KCTD8: variants seen among roughly 807,000 people sequenced by gnomAD.
KCTD8 encodes potassium channel tetramerization domain containing 8.
In KCTD8, 27 loss-of-function variants were observed where a neutral mutation model predicts 31.5. The ratio of observed to expected loss-of-function variants is 0.86; its 90% CI spans 0.63 to 1.18. The LOEUF is 1.18. Among genes scored for constraint, KCTD8 ranks in the 50% most tolerant of loss-of-function variants. The pLI, the probability that KCTD8 is intolerant of heterozygous loss-of-function variation, is 0.00. For missense variants in KCTD8, 658 were observed against 647.7 expected (o/e 1.02, Z -0.17); for synonymous variants, 290 against 280.0 (o/e 1.04, Z -0.36).
chr4:44,341,885 C>A (rs974765075), intron 1 of KCTD8, among the ~76,000 whole-genome samples: 1 of 152,134 alleles, frequency 6.6e-6, no homozygotes, highest in Non-Finnish European at 1.5e-5. Context: ...ATTTACTTTA[C>A]TCAGATCTAT....
At position 44,359,974 on chromosome 4, in the gene KCTD8, A is replaced by C. The variant is rs1719454159; in HGVS notation, c.961+87589T>G. Among the ~76,000 whole-genome samples the C allele has an allele frequency of 2.6e-5, 4 of 152,188 alleles. No homozygotes were observed. In the South Asian group the frequency reaches 8.3e-4, roughly 32 times the overall value. ...TAGGGTTAAATACACAGTTATGTAGATTATTACATTAAGGATACACATACA... is the reference window on the plus strand; with the variant it reads ...TAGGGTTAAATACACAGTTATGTAGCTTATTACATTAAGGATACACATACA... On this transcript the variant is annotated intron_variant, in intron 1 of 1. Transcript: ENST00000360029.
intron 1 of KCTD8, among the ~76,000 whole-genome samples, chr4:44,310,403 A>T (rs925743692): frequency 3.3e-5 from 5 of 152,230 alleles, no homozygotes; most frequent in African/African-American, 1.2e-4. Context: ...TTTATGAAAC[A>T]ATCAACATAT....
intron 1 of KCTD8, among the ~76,000 whole-genome samples, chr4:44,191,648 T>A (rs1355640553): frequency 1.3e-5 from 2 of 152,164 alleles, no homozygotes; most frequent in African/African-American, 2.4e-5. Flanking sequence ...AGCCCTGGTC[T>A]CCTGCAGTAC....
chr4:44,293,985 A>G (rs1478309462), intron 1 of KCTD8, among the ~76,000 whole-genome samples: 2 of 152,210 alleles, frequency 1.3e-5, no homozygotes, highest in East Asian at 1.9e-4. Context: ...AATAATAAAA[A>G]TGTAAATTAA....
chr4:44,361,204 C>T (rs1719486738), intron 1 of KCTD8, among the ~76,000 whole-genome samples: 2 of 143,752 alleles, frequency 1.4e-5, no homozygotes, highest in South Asian at 4.4e-4. Context: ...AATCAGTTTT[C>T]CTTGGAATAA....
intron 1 of KCTD8, among the ~76,000 whole-genome samples, chr4:44,316,873 G>A (rs1009766246): frequency 2.0e-5 from 3 of 149,858 alleles, no homozygotes. Context: ...AGATACTTGG[G>A]AGGCTGAGGC....
At chr4:44,296,601 TTAG>T (rs2109388981) in intron 1 of KCTD8, among the ~76,000 whole-genome samples, 1 of 152,244 alleles carries the variant, frequency 6.6e-6, no homozygotes, top group East Asian at 1.9e-4. Flanking sequence ...ACCAATATAA[TTAG>T]TAGACTATTT....
chr4:44,174,584 T>C lies in KCTD8; in HGVS notation c.*206A>G. On this transcript the variant is annotated 3_prime_UTR_variant, in exon 2 of 2. Transcript: ENST00000360029. ...CAGATATTCCATTTTGATTTAACAC[T>C]TATTGATTTAATATTTTTTCCTTTT... is the stretch of plus-strand genomic sequence containing the variant. The C allele has an allele frequency of 2.1e-6, 1 of 466,932 alleles. No individual in the cohort carries two copies. The highest frequency in any genetic ancestry group is 3.7e-6 in the Non-Finnish European group (1 of 267,320). The allele number at this position is 466,932 out of a possible 1,614,324, so 28.9% of individuals were successfully genotyped here.
chr4:44,441,798 G>A (rs1721817588), intron 1 of KCTD8, among the ~76,000 whole-genome samples: 1 of 152,130 alleles, frequency 6.6e-6, no homozygotes, highest in Non-Finnish European at 1.5e-5. Flanking sequence ...CATAAAATTA[G>A]GTGACAATAA....
intron 1 of KCTD8, among the ~76,000 whole-genome samples, chr4:44,176,859 ACATC>A (rs1435528195): frequency 5.1e-5 from 3 of 58,950 alleles, no homozygotes; most frequent in Non-Finnish European, 9.6e-5. Flanking sequence ...ATATATGTCT[ACATC>A]TATCTATCTA....
At chr4:44,250,600 T>C (rs887501728) in intron 1 of KCTD8, among the ~76,000 whole-genome samples, 4 of 151,762 alleles carry the variant, frequency 2.6e-5, no homozygotes, top group African/African-American at 9.7e-5. Context: ...TGTTTACGCA[T>C]GAAACTTACA....
In KCTD8 at chr4:44,448,520, C is replaced by A. The variant is rs1322891448; in HGVS notation, c.4G>T (p.Ala2Ser). The A allele has an allele frequency of 5.5e-6, 8 of 1,464,016 alleles. No homozygotes were observed. Among genetic ancestry groups the A allele is most frequent in the Non-Finnish European group, 7.2e-6 (8 of 1,112,202 alleles). 90.7% of individuals were successfully genotyped at this position (1,464,016 alleles called of 1,614,324 possible). ...CCGCCGCTGCCCGTGTCCTTCAGAGCCATAGTCCCCCCGCCGCCGGCCCAG... is the reference window on the plus strand; with the variant it reads ...CCGCCGCTGCCCGTGTCCTTCAGAGACATAGTCCCCCCGCCGCCGGCCCAG... M[A>S]LKDTGSGGST... Residue 2 changes from alanine (A) to serine (S), a missense_variant, in exon 1 of 2, where the codon GCT (alanine) becomes TCT (serine). Ala to Ser is a moderately conservative substitution (Grantham distance 99). Coordinates refer to ENST00000360029, the MANE Select transcript of KCTD8 (RefSeq NM_198353.3). This position sits in a 1 kb window ranked among gnomAD's most constrained non-coding sequence, Gnocchi z 4.1.
At chr4:44,324,392 T>C (rs1314183173) in intron 1 of KCTD8, among the ~76,000 whole-genome samples, 1 of 152,050 alleles carries the variant, frequency 6.6e-6, no homozygotes, top group East Asian at 1.9e-4. Context: ...TGTCTTCAGT[T>C]ATAATAAGTT....
chr4:44,368,727 T>C (rs73812258), intron 1 of KCTD8, among the ~76,000 whole-genome samples: 55 of 152,330 alleles, frequency 3.6e-4, no homozygotes, highest in African/African-American at 1.3e-3. Flanking sequence ...TATTGATTCA[T>C]CTTTGTCTGA....
intron 1 of KCTD8, among the ~76,000 whole-genome samples, chr4:44,309,806 G>A (rs941678159): frequency 1.5e-4 from 23 of 152,004 alleles, no homozygotes; most frequent in African/African-American, 5.3e-4. Context: ...AGCTTTTTGT[G>A]TTTTTGATTC....
At chr4:44,347,228 G>A (rs534998720) in intron 1 of KCTD8, among the ~76,000 whole-genome samples, 30 of 152,314 alleles carry the variant, frequency 2.0e-4, no homozygotes, top group Admixed American at 3.3e-4. Context: ...TAACATCAGC[G>A]TTGAGTACAC....
At position 44,423,575 on chromosome 4, in the gene KCTD8, C is replaced by T. The variant is rs547893193; in HGVS notation, c.961+23988G>A. On this transcript the variant is annotated intron_variant, in intron 1 of 1. Coordinates refer to ENST00000360029, the MANE Select transcript of KCTD8 (RefSeq NM_198353.3). ...GGAAGAAGTTCTTGACAATGGCCCACAAGAGACAGTAAATTCATCTCCTTT... is the reference window on the plus strand; with the variant it reads ...GGAAGAAGTTCTTGACAATGGCCCATAAGAGACAGTAAATTCATCTCCTTT... Among the ~76,000 whole-genome samples, 16 of 152,016 alleles carry T rather than the reference C, an allele frequency of 1.1e-4. No homozygotes were observed. In the South Asian group the frequency reaches 2.9e-3, roughly 28 times the overall value.
At chr4:44,291,960 GA>G (rs571458412) in intron 1 of KCTD8, among the ~76,000 whole-genome samples, 5,014 of 88,350 alleles carry the variant, frequency 0.057, 120 homozygotes, top group Admixed American at 0.16. Flanking sequence ...TGGCTATTAT[GA>G]AAAAAAAAAA....
At chr4:44,385,843 C>T (rs550859761) in intron 1 of KCTD8, among the ~76,000 whole-genome samples, 40 of 151,500 alleles carry the variant, frequency 2.6e-4, no homozygotes, top group African/African-American at 8.9e-4. Flanking sequence ...ATAAAGAACT[C>T]CTACAACTAA....
Sources: allele counts gnomAD v4.1 joint callset (sites outside exome capture counted in the v4.1 genomes callset), GRCh38; gene constraint gnomAD v4.1.1; non-coding constraint Gnocchi (gnomAD v3.1); transcripts MANE v1.5; gene names NCBI Gene and HGNC (gene_info 2026-07-23, HGNC 2026-07-21).